The following KDM4C variants were observed in gnomAD, a reference collection of about 807,000 sequenced individuals.
KDM4C encodes the protein lysine-specific demethylase 4C.
Under a neutral mutation model 129.3 loss-of-function variants are expected in KDM4C, and 81 were observed. The observed-to-expected ratio is 0.63, with a 90% CI of 0.52 to 0.75. The LOEUF (loss-of-function observed/expected upper bound fraction) is 0.75. Ranked by LOEUF, KDM4C falls within the 30% of genes least tolerant of loss-of-function variation. The probability of loss-of-function intolerance (pLI) is 0.00; values close to 1 mark genes in which losing one functional copy is unlikely to be tolerated. For missense variants in KDM4C, 1,457 were observed against 1,304.0 expected (o/e 1.12, Z -1.81); for synonymous variants, 573 against 456.1 (o/e 1.26, Z -3.26).
At chr9:6,872,967 C>T (rs539916203) in intron 5 of KDM4C, among the ~76,000 whole-genome samples, 1 of 152,242 alleles carries the variant, frequency 6.6e-6, no homozygotes, top group East Asian at 1.9e-4. Context: ...GCTCTTGTGG[C>T]CCAGGCTGGA....
intron 1 of KDM4C, among the ~76,000 whole-genome samples, chr9:6,759,015 A>C (rs1818854180): frequency 6.8e-6 from 1 of 147,490 alleles, no homozygotes; most frequent in Admixed American, 6.8e-5. Flanking sequence ...GCGCGGTGCA[A>C]GCCTGCGCTG....
At chr9:7,167,810 T>A (rs1328475396) in intron 20 of KDM4C, among the ~76,000 whole-genome samples, 1 of 152,198 alleles carries the variant, frequency 6.6e-6, no homozygotes, top group Admixed American at 6.5e-5. Flanking sequence ...TGTGGCCAGT[T>A]AATATTATCA....
At chr9:6,958,558 G>A (rs1251104449) in intron 8 of KDM4C, among the ~76,000 whole-genome samples, 1 of 151,484 alleles carries the variant, frequency 6.6e-6, no homozygotes, top group African/African-American at 2.4e-5. Flanking sequence ...TTGCATTCCA[G>A]CCTGGGCAAC....
intron 1 of KDM4C, among the ~76,000 whole-genome samples, chr9:6,777,833 A>T (rs1051703323): frequency 6.6e-6 from 1 of 151,322 alleles, no homozygotes; most frequent in South Asian, 2.2e-4. Context: ...AGCCATAAAA[A>T]CTTGAAATTC....
intron 4 of KDM4C, among the ~76,000 whole-genome samples, chr9:6,818,375 T>C (rs745673048): frequency 3.9e-5 from 6 of 152,234 alleles, no homozygotes; most frequent in African/African-American, 4.8e-5. Flanking sequence ...AAATTTCTTA[T>C]GAGCTAAATG....
At chr9:7,079,505 G>A (rs1834290488) in intron 17 of KDM4C, among the ~76,000 whole-genome samples, 1 of 152,074 alleles carries the variant, frequency 6.6e-6, no homozygotes, top group African/African-American at 2.4e-5. Context: ...TATTTTTAGT[G>A]GAGACAGTGT....
At chr9:6,749,215 C>T (rs111613367) in intron 1 of KDM4C, among the ~76,000 whole-genome samples, 3,315 of 152,164 alleles carry the variant, frequency 0.022, 139 homozygotes, top group African/African-American at 0.076. Context: ...AATGGGGTTT[C>T]GCCATATTTG....
intron 8 of KDM4C, among the ~76,000 whole-genome samples, chr9:6,965,294 T>G (rs1011026479): frequency 1.3e-5 from 2 of 151,388 alleles, no homozygotes; most frequent in African/African-American, 4.8e-5. Context: ...ATACATGATA[T>G]ATATATATAT....
intron 17 of KDM4C, among the ~76,000 whole-genome samples, chr9:7,102,181 G>A (rs1249247121): frequency 6.6e-6 from 1 of 152,048 alleles, no homozygotes; most frequent in South Asian, 2.1e-4. Flanking sequence ...ATTGTACATT[G>A]AATCTAGATG....
chr9:6,795,855 A>G (rs546698283), intron 2 of KDM4C, among the ~76,000 whole-genome samples: 6 of 151,864 alleles, frequency 4.0e-5, no homozygotes, highest in African/African-American at 1.4e-4. Context: ...TATTTTTTGT[A>G]GAGCCAAGGT....
intron 8 of KDM4C, among the ~76,000 whole-genome samples, chr9:6,940,567 C>T (rs1253565083): frequency 6.6e-6 from 1 of 152,136 alleles, no homozygotes; most frequent in Non-Finnish European, 1.5e-5. Context: ...AAATCATCCA[C>T]AAGGCAGAGA....
intron 18 of KDM4C, among the ~76,000 whole-genome samples, chr9:7,121,755 A>G (rs936633987): frequency 6.6e-6 from 1 of 152,070 alleles, no homozygotes; most frequent in Non-Finnish European, 1.5e-5. Flanking sequence ...TTAAATGGGA[A>G]GTGCCTCAAC....
intron 8 of KDM4C, among the ~76,000 whole-genome samples, chr9:6,966,038 C>T (rs1057268227): frequency 6.6e-6 from 1 of 152,188 alleles, no homozygotes; most frequent in Non-Finnish European, 1.5e-5. Context: ...GAGAAAGCAG[C>T]ATGCTTTTTT....
chr9:7,040,813 T>A (rs1003917179), intron 15 of KDM4C, among the ~76,000 whole-genome samples: 3 of 151,950 alleles, frequency 2.0e-5, no homozygotes, highest in Admixed American at 2.0e-4. Flanking sequence ...TTAAGATATG[T>A]TCTTTTTATT....
intron 2 of KDM4C, among the ~76,000 whole-genome samples, chr9:6,805,062 G>A (rs542289070): frequency 1.7e-4 from 26 of 151,946 alleles, no homozygotes; most frequent in Non-Finnish European, 3.1e-4. Context: ...CACCACGCCC[G>A]GCTAATTTTT....
chr9:7,068,698 T>C (rs1276275064), intron 17 of KDM4C, among the ~76,000 whole-genome samples: 3 of 127,120 alleles, frequency 2.4e-5, no homozygotes, highest in Admixed American at 7.6e-5. Context: ...TTTTTTTTTT[T>C]TTTTTTTTTT....
At chr9:6,791,026 G>A (rs1254060212) in intron 1 of KDM4C, among the ~76,000 whole-genome samples, 1 of 152,108 alleles carries the variant, frequency 6.6e-6, no homozygotes, top group Non-Finnish European at 1.5e-5. Context: ...GCTGCCTAGA[G>A]TGCCCTTTCT....
At chr9:7,013,645 AC>A in intron 13 of KDM4C, 142 bp from the exon 14 acceptor site, 2 of 695,164 alleles carry the variant, frequency 2.9e-6, no homozygotes. Context: ...TTTAAAAAAA[AC>A]TAGTAGTTTG....
chr9:7,170,123 T>C (rs1038555014), intron 21 of KDM4C: 4 of 1,403,444 alleles, frequency 2.9e-6, no homozygotes, highest in Non-Finnish European at 3.8e-6. Flanking sequence ...ATGATGCTTC[T>C]TTGTGTTGAC....
Sources: allele counts gnomAD v4.1 joint callset (sites outside exome capture counted in the v4.1 genomes callset), GRCh38; gene constraint gnomAD v4.1.1; transcripts MANE v1.5; gene names NCBI Gene and HGNC (gene_info 2026-07-23, HGNC 2026-07-21).